B3GALNT1: variants seen among roughly 807,000 people sequenced by gnomAD.
B3GALNT1 encodes the protein beta-1,3-N-acetylgalactosaminyltransferase 1 (Globoside blood group).
A neutral mutation model predicts 27.3 loss-of-function variants in B3GALNT1; 17 were observed. That is an observed-to-expected ratio of 0.62 (90% confidence interval 0.43 to 0.94). The LOEUF is 0.94. Among genes scored for constraint, B3GALNT1 ranks in the 40% least tolerant of loss-of-function variants. The probability of loss-of-function intolerance (pLI) is 0.00; values close to 1 mark genes in which losing one functional copy is unlikely to be tolerated. For missense variants in B3GALNT1, 347 were observed against 390.0 expected, an observed-to-expected ratio of 0.89 and a Z score of 0.93; for synonymous variants, 141 against 144.0, an observed-to-expected ratio of 0.98 and a Z score of 0.15.
At chr3:161,101,099 C>A (rs1229811617) in intron 4 of B3GALNT1, 40 bp downstream of exon 4, 3 of 1,271,348 alleles carry the variant, frequency 2.4e-6, no homozygotes, top group Admixed American at 2.3e-5. Context: ...TCCTGAGATT[C>A]CTGGGCAGGG....
At chr3:161,094,848 C>T (rs937956591) in intron 4 of B3GALNT1, among the ~76,000 whole-genome samples, 7 of 152,132 alleles carry the variant, frequency 4.6e-5, no homozygotes, top group Admixed American at 2.6e-4. Context: ...CGGGCAACAA[C>T]GTTCACATTT....
At chr3:161,095,306 T>C (rs1215838791) in intron 4 of B3GALNT1, among the ~76,000 whole-genome samples, 1 of 152,174 alleles carries the variant, frequency 6.6e-6, no homozygotes, top group Non-Finnish European at 1.5e-5. Context: ...TTATCTCAAG[T>C]AGTTCCCCCA....
intron 4 of B3GALNT1, among the ~76,000 whole-genome samples, chr3:161,096,957 C>A (rs1337028444): frequency 6.6e-6 from 1 of 152,160 alleles, no homozygotes; most frequent in African/African-American, 2.4e-5. Context: ...AAAGCGAGCA[C>A]CAGGTGGCAG....
chr3:161,096,442 C>T (rs1202991462), intron 4 of B3GALNT1, among the ~76,000 whole-genome samples: 1 of 152,164 alleles, frequency 6.6e-6, no homozygotes, highest in Non-Finnish European at 1.5e-5. Flanking sequence ...AACATTCTAA[C>T]TTTTCTTCTA....
At position 161,104,356 on chromosome 3, in the gene B3GALNT1, C is replaced by T. The variant is rs1391295267; in HGVS notation, c.-258G>A. ...AAAAAAAGACATGGTTTGGCAATTT[C>T]TTCCTTGATAGCTTTTCCCACAACG... On this transcript the variant is annotated 5_prime_UTR_variant, in exon 2 of 5. Transcript: ENST00000320474. 7.8e-7 allele frequency: 1 copy of T among 1,289,726 alleles called. No individual in the cohort carries two copies. The highest frequency in any genetic ancestry group is 1.2e-5 in the South Asian group (1 of 81,012). The allele number at this position is 1,289,726 out of a possible 1,614,324, so 79.9% of individuals were successfully genotyped here. A position where few individuals can be genotyped will look rare whatever the true frequency, so the allele number is the denominator to read the frequency against.
At chr3:161,101,104 G>A in intron 4 of B3GALNT1, 35 bp downstream of exon 4, 1 of 1,273,742 alleles carries the variant, frequency 7.9e-7, no homozygotes, top group Non-Finnish European at 1.0e-6. Context: ...AGATTCCTGG[G>A]CAGGGAGCAA....
chr3:161,091,295 T>A (rs1576682980), intron 4 of B3GALNT1, among the ~76,000 whole-genome samples: 1 of 152,078 alleles, frequency 6.6e-6, no homozygotes, highest in Non-Finnish European at 1.5e-5. Flanking sequence ...AATTTAAAAA[T>A]TTTTAAAAGA....
In B3GALNT1 at chr3:161,084,115, A is replaced by G. The variant is rs756165447; in HGVS notation, c.*1644T>C. On this transcript the variant is annotated 3_prime_UTR_variant, in exon 5 of 5. Coordinates refer to ENST00000320474, the MANE Select transcript of B3GALNT1 (RefSeq NM_003781.4). ...TATAATTTTATGGGACCACTATTGT[A>G]TATGTCATTATGCAGTACATAACTG... is the stretch of plus-strand genomic sequence containing the variant. 1.3e-5 allele frequency: 2 copies of G among 152,174 alleles called. No homozygotes were observed. The highest frequency in any genetic ancestry group is 2.4e-5 in the African/African-American group (1 of 41,406). 9.4% of individuals were successfully genotyped at this position (152,174 alleles called of 1,614,324 possible). A position where few individuals can be genotyped will look rare whatever the true frequency, so the allele number is the denominator to read the frequency against.
At chr3:161,098,901 C>T (rs182454452) in intron 4 of B3GALNT1, among the ~76,000 whole-genome samples, 159 of 152,286 alleles carry the variant, frequency 1.0e-3, no homozygotes, top group African/African-American at 3.6e-3. Context: ...CAATAGGGTT[C>T]TTCAATAGAA....
At chr3:161,102,540 C>G (rs1731907336) in intron 3 of B3GALNT1, among the ~76,000 whole-genome samples, 1 of 152,140 alleles carries the variant, frequency 6.6e-6, no homozygotes, top group South Asian at 2.1e-4. Flanking sequence ...GTAACAAAAG[C>G]AAATCAGTAT....
chr3:161,101,927 G>A (rs1293971310), intron 3 of B3GALNT1, among the ~76,000 whole-genome samples: 1 of 152,174 alleles, frequency 6.6e-6, no homozygotes, highest in Non-Finnish European at 1.5e-5. Flanking sequence ...ATGACATGCT[G>A]CAGGAATAGG....
chr3:161,096,869 G>T (rs542567959), intron 4 of B3GALNT1, among the ~76,000 whole-genome samples: 3 of 152,058 alleles, frequency 2.0e-5, no homozygotes, highest in African/African-American at 7.3e-5. Flanking sequence ...GAAGCCAAGC[G>T]GGATCCCAGG....
At chr3:161,094,994 T>TA (rs1358999540) in intron 4 of B3GALNT1, among the ~76,000 whole-genome samples, 1 of 152,010 alleles carries the variant, frequency 6.6e-6, no homozygotes, top group Non-Finnish European at 1.5e-5. Context: ...ATCTTTTAAT[T>TA]AAAAAATATA....
At chr3:161,091,099 C>G (rs539756873) in intron 4 of B3GALNT1, among the ~76,000 whole-genome samples, 9 of 152,034 alleles carry the variant, frequency 5.9e-5, no homozygotes, top group African/African-American at 1.9e-4. Context: ...GAGACCCTGT[C>G]TCTACAAAAG....
At chr3:161,092,979 G>A (rs945831386) in intron 4 of B3GALNT1, among the ~76,000 whole-genome samples, 2 of 151,806 alleles carry the variant, frequency 1.3e-5, no homozygotes, top group African/African-American at 2.4e-5. Flanking sequence ...GGATGGTCTC[G>A]ATCTCCTGAC....
At chr3:161,093,395 A>G (rs1242974154) in intron 4 of B3GALNT1, among the ~76,000 whole-genome samples, 1 of 152,176 alleles carries the variant, frequency 6.6e-6, no homozygotes, top group Non-Finnish European at 1.5e-5. Context: ...TGTTCATAGC[A>G]TGTGTGTATC....
intron 4 of B3GALNT1, among the ~76,000 whole-genome samples, chr3:161,099,658 C>A (rs1482128657): frequency 3.3e-5 from 5 of 152,176 alleles, no homozygotes; most frequent in Admixed American, 2.0e-4. Flanking sequence ...CTGGCCCTAC[C>A]AGCAGAGGGA....
intron 1 of B3GALNT1, 65 bp from the exon 2 acceptor site, chr3:161,104,471 T>TC: frequency 5.8e-6 from 4 of 694,152 alleles, no homozygotes; most frequent in South Asian, 5.0e-5. Context: ...AAATCCAACA[T>TC]TAAGAAGGCG....
At chr3:161,092,241 G>GT in intron 4 of B3GALNT1, among the ~76,000 whole-genome samples, 1 of 152,126 alleles carries the variant, frequency 6.6e-6, no homozygotes, top group Non-Finnish European at 1.5e-5. Flanking sequence ...ATAAAAGTTG[G>GT]TATGTCTTCC....
Sources: allele counts gnomAD v4.1 joint callset (sites outside exome capture counted in the v4.1 genomes callset), GRCh38; gene constraint gnomAD v4.1.1; transcripts MANE v1.5; gene names NCBI Gene and HGNC (gene_info 2026-07-23, HGNC 2026-07-21).